Variants in REV3L observed in about 807,000 individuals in gnomAD.
The protein encoded by REV3L is DNA polymerase zeta catalytic subunit.
REV3L carries 69 observed loss-of-function variants against 299.4 expected under a neutral mutation model. The observed-to-expected ratio is 0.23, with a 90% confidence interval of 0.19 to 0.28. The LOEUF (loss-of-function observed/expected upper bound fraction) is 0.28. Among genes scored for constraint, REV3L ranks in the 10% least tolerant of loss-of-function variants. The pLI is 1.00. For synonymous variants in REV3L, 1,238 were observed against 1,271.4 expected, an observed-to-expected ratio of 0.97 and a Z score of 0.56; for missense variants, 3,128 against 3,693.8, an observed-to-expected ratio of 0.85 and a Z score of 3.97.
At chr6:111,483,414 G>A (rs1034951922), upstream of REV3L, 1 of 430,370 alleles carries the variant, frequency 2.3e-6, no homozygotes, top group East Asian at 4.0e-5. Flanking sequence ...GCGGCCGGCA[G>A]CGCCCGCGCG....
intron 6 of REV3L, 39 bp from the exon 7 acceptor site, chr6:111,389,249 G>GT (rs759289791): frequency 7.1e-7 from 1 of 1,415,556 alleles, no homozygotes; most frequent in Non-Finnish European, 9.8e-7. Context: ...CAGGGTCAAA[G>GT]TAAGAAATGC....
intron 25 of REV3L, among the ~76,000 whole-genome samples, chr6:111,328,398 G>A (rs1775054837): frequency 6.6e-6 from 1 of 152,206 alleles, no homozygotes; most frequent in South Asian, 2.1e-4. Context: ...CACCACACCT[G>A]GCTAATTGTG....
chr6:111,460,635 C>T (rs1379206642), intron 1 of REV3L, among the ~76,000 whole-genome samples: 1 of 151,938 alleles, frequency 6.6e-6, no homozygotes, highest in Non-Finnish European at 1.5e-5. Flanking sequence ...AAAAGTTCTT[C>T]AGGTAGACAG....
intron 1 of REV3L, among the ~76,000 whole-genome samples, chr6:111,474,986 T>TACAC (rs1362668998): frequency 5.5e-4 from 10 of 18,112 alleles, no homozygotes; most frequent in African/African-American, 2.1e-3. Context: ...GCTGCCTATA[T>TACAC]ATACACACAC....
chr6:111,390,264 A>C (rs185762352), intron 5 of REV3L, 84 bp from the exon 6 acceptor site: 9 of 830,412 alleles, frequency 1.1e-5, no homozygotes, highest in African/African-American at 1.0e-4. Flanking sequence ...ATTATCTTAC[A>C]TTTAGCTTGT....
chr6:111,317,277 AAAAG>A (rs757239967), intron 26 of REV3L, among the ~76,000 whole-genome samples: 1 of 152,236 alleles, frequency 6.6e-6, no homozygotes, highest in African/African-American at 2.4e-5. Flanking sequence ...ATGAAAAATT[AAAAG>A]AAAGGAAAAA....
intron 1 of REV3L, among the ~76,000 whole-genome samples, chr6:111,481,525 A>C (rs777688709): frequency 3.9e-5 from 6 of 152,256 alleles, no homozygotes; most frequent in Non-Finnish European, 7.3e-5. Flanking sequence ...AATTCACATT[A>C]AAAGATAACT....
intron 25 of REV3L, among the ~76,000 whole-genome samples, chr6:111,326,654 C>A (rs117326910): frequency 2.6e-5 from 4 of 151,626 alleles, no homozygotes; most frequent in Non-Finnish European, 4.4e-5. Context: ...TTGATATCTG[C>A]ACTCCCATAT....
At chr6:111,422,049 A>G (rs1464122882) in intron 1 of REV3L, among the ~76,000 whole-genome samples, 1 of 152,232 alleles carries the variant, frequency 6.6e-6, no homozygotes, top group African/African-American at 2.4e-5. Context: ...ATGTACTCTT[A>G]GCCTTGGAAA....
chr6:111,305,313 C>T (rs905487907), intron 31 of REV3L, among the ~76,000 whole-genome samples: 20 of 151,972 alleles, frequency 1.3e-4, no homozygotes, highest in African/African-American at 3.9e-4. Flanking sequence ...ATAAGATGGC[C>T]GGGCATCATG....
intron 1 of REV3L, among the ~76,000 whole-genome samples, chr6:111,461,326 T>TC (rs1790748865): frequency 6.6e-6 from 1 of 151,980 alleles, no homozygotes; most frequent in Admixed American, 6.6e-5. Context: ...AAAGTAAAAA[T>TC]TAAAAATTTT....
chr6:111,313,623 C>T (rs954526305), intron 27 of REV3L, 134 bp from the exon 28 acceptor site: 17 of 820,880 alleles, frequency 2.1e-5, no homozygotes, highest in Non-Finnish European at 3.1e-5. Context: ...TTGGGCCCAA[C>T]AAATTCATGA....
chr6:111,421,486 C>A (rs190225739), intron 1 of REV3L, among the ~76,000 whole-genome samples: 5 of 152,274 alleles, frequency 3.3e-5, no homozygotes, highest in Admixed American at 3.3e-4. Context: ...ACGGGCATGA[C>A]CGTGTTACAA....
chr6:111,389,013 T>G (rs1336776054), intron 7 of REV3L, 93 bp downstream of exon 7: 1 of 908,644 alleles, frequency 1.1e-6, no homozygotes, highest in Admixed American at 2.2e-5. Context: ...ATTTGAAAAG[T>G]AAAATCTAAT....
At chr6:111,300,303 TG>T in intron 31 of REV3L, 147 bp from the exon 32 acceptor site, 1 of 578,542 alleles carries the variant, frequency 1.7e-6, no homozygotes, top group South Asian at 3.2e-5. Context: ...TTTAATCTCT[TG>T]GAAGCCTAGA....
intron 22 of REV3L, among the ~76,000 whole-genome samples, chr6:111,333,769 A>T (rs1406692629): frequency 6.6e-6 from 1 of 151,900 alleles, no homozygotes; most frequent in East Asian, 1.9e-4. Context: ...AGCCACTATG[A>T]CCAGCCTGTA....
chr6:111,467,538 C>A (rs1399300051), intron 1 of REV3L, among the ~76,000 whole-genome samples: 1 of 152,238 alleles, frequency 6.6e-6, no homozygotes, highest in Non-Finnish European at 1.5e-5. Context: ...GGTTCCACAT[C>A]TGTGGATTCA....
chr6:111,482,453 G>C (rs1793854104), intron 1 of REV3L, among the ~76,000 whole-genome samples: 1 of 151,270 alleles, frequency 6.6e-6, no homozygotes, highest in Non-Finnish European at 1.5e-5. Context: ...CGCTCTCCCG[G>C]CCCGCGCCCT....
intron 1 of REV3L, among the ~76,000 whole-genome samples, chr6:111,447,354 T>C (rs1468917388): frequency 6.6e-6 from 1 of 152,122 alleles, no homozygotes; most frequent in Non-Finnish European, 1.5e-5. Context: ...AAAAATGCAA[T>C]CTCACTAACT....
Sources: gnomAD v4.1 joint callset for allele counts (sites outside exome capture counted in the v4.1 genomes callset) on GRCh38, gnomAD v4.1.1 for gene constraint, MANE v1.5 for transcripts, NCBI Gene and HGNC (gene_info 2026-07-23, HGNC 2026-07-21) for gene names.